Variants in AMD1 observed in about 807,000 individuals in gnomAD.
AMD1 encodes the protein S-adenosylmethionine decarboxylase proenzyme.
In AMD1, 11 loss-of-function variants were observed where a neutral mutation model predicts 40.2. The ratio of observed to expected loss-of-function variants is 0.27; its 90% CI spans 0.17 to 0.45. AMD1 has a LOEUF of 0.45. AMD1 is among the 20% of genes least tolerant of loss of function. The probability of loss-of-function intolerance (pLI) is 1.00; values close to 1 mark genes in which losing one functional copy is unlikely to be tolerated. For missense variants in AMD1, 257 were observed against 410.2 expected (o/e 0.63, Z 3.23); for synonymous variants, 121 against 130.8 (o/e 0.93, Z 0.51).
intron 1 of AMD1, among the ~76,000 whole-genome samples, chr6:110,885,366 G>A (rs983001873): frequency 6.6e-6 from 1 of 152,142 alleles, no homozygotes; most frequent in Non-Finnish European, 1.5e-5. Flanking sequence ...ATGCGCCTCG[G>A]CTGCCCAAAG....
At chr6:110,885,235 C>T (rs1338962192) in intron 1 of AMD1, among the ~76,000 whole-genome samples, 2 of 152,010 alleles carry the variant, frequency 1.3e-5, no homozygotes, top group Admixed American at 6.6e-5. Context: ...CCTCAGCCTC[C>T]AGAGTAGCTG....
chr6:110,864,821 A>G, the AMD1 span, among the ~76,000 whole-genome samples: 2 of 152,256 alleles, frequency 1.3e-5, no homozygotes, highest in Non-Finnish European at 2.9e-5. Context: ...GCTTGTCACA[A>G]ATAAATGCCA....
Position 110,875,049 on chromosome 6 carries a change from AGAG to A in AMD1, c.-55_-53del, listed in dbSNP as rs989003061. On this transcript the variant is annotated 5_prime_UTR_variant, in exon 1 of 9. Transcript: ENST00000368885. ...CAGCGGCGGCGGCAGCGGCGGGAGA[AGAG>A]GTTTAATTTAGTTGATTTTCTGTGG... The A allele has an allele frequency of 5.8e-6, 8 of 1,371,948 alleles. No homozygotes were observed. In the African/African-American group the frequency reaches 1.2e-4, roughly 20 times the overall value. 85.0% of individuals were successfully genotyped at this position (1,371,948 alleles called of 1,614,324 possible).
At chr6:110,843,465 GA>G in the AMD1 span, among the ~76,000 whole-genome samples, 832 of 121,856 alleles carry the variant, frequency 6.8e-3, 5 homozygotes, top group African/African-American at 0.018. Flanking sequence ...ACTCCATCTT[GA>G]AAAAAAAAAA....
At chr6:110,874,776 A>C (rs931209259), upstream of AMD1, 3 of 197,782 alleles carry the variant, frequency 1.5e-5, no homozygotes, top group African/African-American at 2.3e-5. Flanking sequence ...GTGCTCACGC[A>C]GCGCTCTCGC....
rs1489048681 is a variant in AMD1 at position 110,893,606 on chromosome 6, A to T, written c.995A>T (p.Gln332Leu). ...FTSFAKKQQQ[Q>L]QS ...AGTTTTGCTAAGAAGCAGCAACAAC[A>T]GCAGAGTTGATTAAGAAAAATGAAG... The change falls in exon 9 of 9, where the codon CAG becomes CTG. Residue 332 changes from glutamine to leucine, a missense_variant. By Grantham distance (113) the Gln-to-Leu change is moderately radical. Transcript: ENST00000368885. 1 of 1,613,300 alleles carries T rather than the reference A, an allele frequency of 6.2e-7. No individual in the cohort carries two copies. The highest frequency in any genetic ancestry group is 1.7e-5 in the Admixed American group (1 of 59,874).
intron 1 of AMD1, among the ~76,000 whole-genome samples, chr6:110,885,276 T>C (rs1323666012): frequency 1.3e-5 from 2 of 151,746 alleles, no homozygotes; most frequent in Non-Finnish European, 2.9e-5. Flanking sequence ...TACGCCCAGC[T>C]AATTTTTTGT....
At chr6:110,832,103 C>T in the AMD1 span, among the ~76,000 whole-genome samples, 4 of 151,066 alleles carry the variant, frequency 2.6e-5, no homozygotes, top group Non-Finnish European at 4.4e-5. Context: ...ACCTCCGCCT[C>T]CCCAGGTTCA....
At position 110,895,444 on chromosome 6, in the gene AMD1, G is replaced by T. The variant is rs1347656502; in HGVS notation, c.*1828G>T. 4.3e-5 allele frequency: 6 copies of T among 138,952 alleles called. No homozygotes were observed. The highest frequency in any genetic ancestry group is 5.0e-4 in the South Asian group (2 of 4,032). 8.6% of individuals were successfully genotyped at this position (138,952 alleles called of 1,614,324 possible). On this transcript the variant is annotated 3_prime_UTR_variant, in exon 9 of 9. Coordinates refer to ENST00000368885, the MANE Select transcript of AMD1 (RefSeq NM_001634.6). ...ATTTGTTGACTTGAGGTCTGGTTTG[G>T]TTTTGTTTTTGTTTTGTTTTGTTTT...
the AMD1 span, among the ~76,000 whole-genome samples, chr6:110,830,810 C>T: frequency 2.0e-5 from 3 of 152,186 alleles, no homozygotes; most frequent in Non-Finnish European, 2.9e-5. Context: ...GTCATCAATG[C>T]CTGATGGTAG....
chr6:110,857,639 GTA>G, the AMD1 span, among the ~76,000 whole-genome samples: 133 of 126,244 alleles, frequency 1.1e-3, 1 homozygote, highest in African/African-American at 2.5e-3. Context: ...TATATAGATG[GTA>G]TATATATATA....
At chr6:110,872,989 CAAGTA>C (rs999929820), upstream of AMD1, among the ~76,000 whole-genome samples, 21 of 152,032 alleles carry the variant, frequency 1.4e-4, no homozygotes, top group African/African-American at 4.8e-4. Context: ...ATCTTTATTC[CAAGTA>C]GAGTAACCAC....
chr6:110,868,400 TGGACTCC>T, the AMD1 span, among the ~76,000 whole-genome samples: 1 of 152,022 alleles, frequency 6.6e-6, no homozygotes, highest in Non-Finnish European at 1.5e-5. Flanking sequence ...CTGCCTGCCT[TGGACTCC>T]AAACGTGCTG....
At chr6:110,881,806 CAG>C (rs761045150) in intron 1 of AMD1, among the ~76,000 whole-genome samples, 1 of 145,030 alleles carries the variant, frequency 6.9e-6, no homozygotes, top group Non-Finnish European at 1.5e-5. Flanking sequence ...GCCTAGGTGA[CAG>C]AACAAGACTG....
At chr6:110,879,297 C>T (rs908788677) in intron 1 of AMD1, among the ~76,000 whole-genome samples, 1 of 152,130 alleles carries the variant, frequency 6.6e-6, no homozygotes, top group Non-Finnish European at 1.5e-5. Context: ...GAGGCTGCAG[C>T]GAAATGAGAT....
At chr6:110,852,976 T>G in the AMD1 span, among the ~76,000 whole-genome samples, 1 of 147,202 alleles carries the variant, frequency 6.8e-6, no homozygotes, top group Non-Finnish European at 1.5e-5. Context: ...ATTGGCTAAT[T>G]AAGCACTTTT....
At chr6:110,878,350 G>C (rs535229916) in intron 1 of AMD1, among the ~76,000 whole-genome samples, 101 of 152,238 alleles carry the variant, frequency 6.6e-4, no homozygotes, top group African/African-American at 2.4e-3. Context: ...TTAATGCTTG[G>C]AATCTTTTCT....
the AMD1 span, chr6:110,814,773 C>G: frequency 1.5e-6 from 1 of 662,736 alleles, no homozygotes; most frequent in East Asian, 3.0e-5. Flanking sequence ...CCCTCTGGGA[C>G]GGGACCGACG....
chr6:110,873,414 G>C (rs1784955752), upstream of AMD1, among the ~76,000 whole-genome samples: 1 of 152,188 alleles, frequency 6.6e-6, no homozygotes, highest in Non-Finnish European at 1.5e-5. Context: ...TCACAACATA[G>C]CTTCTTTCAA....
Sources: gnomAD v4.1 joint callset for allele counts (sites outside exome capture counted in the v4.1 genomes callset) on GRCh38, gnomAD v4.1.1 for gene constraint, MANE v1.5 for transcripts, NCBI Gene and HGNC (gene_info 2026-07-23, HGNC 2026-07-21) for gene names.